MTA1: variants seen among roughly 807,000 people sequenced by gnomAD.
MTA1 encodes the protein metastasis associated 1.
In MTA1, 15 loss-of-function variants were observed where a neutral mutation model predicts 97.0. The ratio of observed to expected loss-of-function variants is 0.15; its 90% CI spans 0.10 to 0.24. MTA1 has a LOEUF of 0.24. Among genes scored for constraint, MTA1 ranks in the 10% least tolerant of loss-of-function variants. The pLI, the probability that MTA1 is intolerant of heterozygous loss-of-function variation, is 1.00. For missense variants in MTA1, 709 were observed against 1,015.1 expected, an observed-to-expected ratio of 0.70 and a Z score of 4.10; for synonymous variants, 435 against 417.5, an observed-to-expected ratio of 1.04 and a Z score of -0.51.
chr14:105,440,402 C>T lies in MTA1; in HGVS notation c.96+1663C>T, dbSNP rs373703067. On this transcript the variant is annotated intron_variant, in intron 2 of 20. Transcript: ENST00000331320. ...GGCAGATGGCACTGCTGGCCCCACA[C>T]AGCCAGCTGGCAGGCAACCCGGGGC... is the stretch of plus-strand genomic sequence containing the variant. Among the ~76,000 whole-genome samples the T allele has an allele frequency of 2.6e-5, 4 of 152,380 alleles. No individual in the cohort carries two copies. The South Asian group carries it at 8.3e-4, about 32-fold the overall frequency.
chr14:105,419,959 T>G lies in MTA1; in HGVS notation c.-77T>G. On this transcript the variant is annotated 5_prime_UTR_variant, in exon 1 of 21. Coordinates refer to ENST00000331320, the MANE Select transcript of MTA1 (RefSeq NM_004689.4). ...CCTGCGGCGCCCCCCGCCCCCGCCATCGCGCCTCCATTTTCCCGGCCGCCC... is the reference window on the plus strand; with the variant it reads ...CCTGCGGCGCCCCCCGCCCCCGCCAGCGCGCCTCCATTTTCCCGGCCGCCC... The G allele has an allele frequency of 3.8e-6, 2 of 529,100 alleles. No individual in the cohort carries two copies. The highest frequency in any genetic ancestry group is 4.7e-6 in the Non-Finnish European group (2 of 424,166). 32.8% of individuals were successfully genotyped at this position (529,100 alleles called of 1,614,324 possible).
At chr14:105,442,334 C>T (rs587722018) in intron 2 of MTA1, among the ~76,000 whole-genome samples, 12 of 152,316 alleles carry the variant, frequency 7.9e-5, no homozygotes, top group East Asian at 3.9e-4. Flanking sequence ...CACTCCTCCG[C>T]GCCTTTCCAA....
intron 18 of MTA1, chr14:105,469,074 C>G: frequency 2.2e-6 from 1 of 452,866 alleles, no homozygotes; most frequent in Non-Finnish European, 4.4e-6. Flanking sequence ...GGGGCAGTGC[C>G]GGCCACAGCG....
chr14:105,445,542 T>A, intron 3 of MTA1, 31 bp downstream of exon 3: 1 of 1,610,862 alleles, frequency 6.2e-7, no homozygotes, highest in Non-Finnish European at 8.5e-7. Context: ...GGTGCCCGCC[T>A]GGCGGGAGGG....
intron 6 of MTA1, among the ~76,000 whole-genome samples, 193 bp from the exon 7 acceptor site, chr14:105,454,000 C>G (rs2083045927): frequency 6.6e-6 from 1 of 152,168 alleles, no homozygotes; most frequent in South Asian, 2.1e-4. Context: ...CCTCGAGGCC[C>G]CGCTGTAGGC....
chr14:105,434,048 G>A (rs1263554389), intron 1 of MTA1, among the ~76,000 whole-genome samples: 4 of 152,110 alleles, frequency 2.6e-5, no homozygotes, highest in East Asian at 1.9e-4. Flanking sequence ...GGATGGTCTC[G>A]ATCTCCTGAA....
rs1277194573 is a variant in MTA1, at chr14:105,420,327, G to A, written c.28+264G>A. ...CTGTTGGGGCCGAGGGGGCGGCCGC[G>A]GGGGTGGCGGGGGGGCGCGGGGCCT... On this transcript the variant is annotated intron_variant, in intron 1 of 20. Transcript: ENST00000331320. The surrounding 1 kb of genome is among the most constrained non-coding windows in gnomAD (Gnocchi z 5.3). Among the ~76,000 whole-genome samples the A allele has an allele frequency of 1.3e-5, 2 of 150,946 alleles. No individual in the cohort carries two copies. The highest frequency in any genetic ancestry group is 3.0e-5 in the Non-Finnish European group (2 of 67,524).
At position 105,465,261 on chromosome 14, in the gene MTA1, C is replaced by G. The variant is rs370476729; in HGVS notation, c.1624+78C>G. 3.0e-4 allele frequency: 378 copies of G among 1,271,538 alleles called. 3 individuals carry two copies. The South Asian group carries it at 5.8e-3, about 19-fold the overall frequency. 78.8% of individuals were successfully genotyped at this position (1,271,538 alleles called of 1,614,324 possible). A position where few individuals can be genotyped will look rare whatever the true frequency, so the allele number is the denominator to read the frequency against. On this transcript the variant is annotated intron_variant, in intron 16 of 20. Coordinates refer to ENST00000331320, the MANE Select transcript of MTA1 (RefSeq NM_004689.4). ...TCACCCAAGCTCATGCACTGGTGCT[C>G]CCAGCCTTCTCTAGCTGGGAGCTCC... is the stretch of plus-strand genomic sequence containing the variant.
intron 3 of MTA1, among the ~76,000 whole-genome samples, chr14:105,448,226 G>A (rs1555427699): frequency 6.6e-6 from 1 of 152,088 alleles, no homozygotes; most frequent in African/African-American, 2.4e-5. Flanking sequence ...CAGGGTCTGA[G>A]GGAGGGTTCA....
At chr14:105,446,740 G>A (rs1390708958) in intron 3 of MTA1, among the ~76,000 whole-genome samples, 1 of 152,230 alleles carries the variant, frequency 6.6e-6, no homozygotes, top group African/African-American at 2.4e-5. Context: ...CAGTGGATGC[G>A]GACGTGAGCT....
In MTA1 at chr14:105,450,077, G is replaced by A. The variant is rs2082864764; in HGVS notation, c.261G>A (p.Met87Ile). 6.2e-7 allele frequency: 1 copy of A among 1,613,578 alleles called. No individual in the cohort carries two copies. Among genetic ancestry groups the A allele is most frequent in the Non-Finnish European group, 8.5e-7 (1 of 1,179,884 alleles). Residue 87 changes from methionine (M) to isoleucine (I), a missense_variant, in exon 5 of 21, where the codon ATG (methionine) becomes ATA (isoleucine). Met to Ile is a conservative substitution (Grantham distance 10). Transcript: ENST00000331320. ...NGEEGEIEEE[M>I]ENPEMVDLPE... ...CTTCAGGGGAAATAGAAGAGGAAAT[G>A]GAGAACCCGGAAATGGTGGACCTGC...
rs587725067 is a variant in MTA1, at chr14:105,452,750, C to T, written c.433-1443C>T. On this transcript the variant is annotated intron_variant, in intron 6 of 20. Coordinates refer to ENST00000331320, the MANE Select transcript of MTA1 (RefSeq NM_004689.4). ...GGCTGGCAGCTGGCCTCTGGATAGTCGTGTCAGTTCAAGAGGACGAAGGCC... is the reference window on the plus strand; with the variant it reads ...GGCTGGCAGCTGGCCTCTGGATAGTTGTGTCAGTTCAAGAGGACGAAGGCC... Among the ~76,000 whole-genome samples the T allele has an allele frequency of 6.6e-5, 10 of 152,318 alleles. No homozygotes were observed. In the South Asian group the frequency reaches 1.2e-3, roughly 19 times the overall value.
intron 1 of MTA1, among the ~76,000 whole-genome samples, chr14:105,433,205 C>T (rs1051547286): frequency 4.6e-5 from 7 of 152,122 alleles, no homozygotes; most frequent in African/African-American, 9.7e-5. Flanking sequence ...GAGACGTGGG[C>T]GGTGTGTAGG....
chr14:105,468,619 T>C (rs1555433491), intron 18 of MTA1, among the ~76,000 whole-genome samples: 1 of 152,162 alleles, frequency 6.6e-6, no homozygotes, highest in Non-Finnish European at 1.5e-5. Flanking sequence ...CCTTAAGGGA[T>C]GGGCCTCAGC....
At position 105,463,679 on chromosome 14, in the gene MTA1, C is replaced by T. The variant is rs587726328; in HGVS notation, c.1076+128C>T. 38 of 924,264 alleles carry T rather than the reference C, an allele frequency of 4.1e-5. No individual in the cohort carries two copies. The highest frequency in any genetic ancestry group is 1.2e-4 in the South Asian group (8 of 66,454). 57.3% of individuals were successfully genotyped at this position (924,264 alleles called of 1,614,324 possible). A position where few individuals can be genotyped will look rare whatever the true frequency, so the allele number is the denominator to read the frequency against. On this transcript the variant is annotated intron_variant, in intron 12 of 20. Transcript: ENST00000331320. This position sits in a 1 kb window ranked among gnomAD's most constrained non-coding sequence, Gnocchi z 5.9. Reference sequence around the variant, plus strand: ...AGGCTGGGAAAGTTGGGGCAGCCCCCGGGAGGGCGGCCCAGGGCTGGGGGG... The same window carrying T: ...AGGCTGGGAAAGTTGGGGCAGCCCCTGGGAGGGCGGCCCAGGGCTGGGGGG...
At chr14:105,449,064 G>A in intron 3 of MTA1, 1 of 403,244 alleles carries the variant, frequency 2.5e-6, no homozygotes, top group Non-Finnish European at 4.4e-6. Context: ...CCTGTTCTGG[G>A]AAGCCCCAGT....
intron 7 of MTA1, among the ~76,000 whole-genome samples, chr14:105,457,472 G>A (rs1258631477): frequency 1.3e-5 from 2 of 152,230 alleles, no homozygotes; most frequent in African/African-American, 4.8e-5. Flanking sequence ...CCCCGGCTCT[G>A]GCTGTGCCAG....
intron 7 of MTA1, among the ~76,000 whole-genome samples, chr14:105,455,511 C>T (rs782210225): frequency 1.6e-4 from 24 of 152,214 alleles, no homozygotes; most frequent in Non-Finnish European, 2.6e-4. Context: ...ACTCGCCTCC[C>T]TGCTTGCAGT....
chr14:105,469,155 C>A lies in MTA1; in HGVS notation c.1814-312C>A, dbSNP rs782442000. On this transcript the variant is annotated intron_variant, in intron 18 of 20. Transcript: ENST00000331320. ...TTGCGAGGCTTTGCTTGTCTCGGCA[C>A]GGCAGGCAAGTGGGTGGACAGCCCC... is the stretch of plus-strand genomic sequence containing the variant. 5 of 595,076 alleles carry A rather than the reference C, an allele frequency of 8.4e-6. No homozygotes were observed. The African/African-American group carries it at 9.1e-5, about 11-fold the overall frequency. The allele number at this position is 595,076 out of a possible 1,614,324, so 36.9% of individuals were successfully genotyped here.
Sources: gnomAD v4.1 joint callset for allele counts (sites outside exome capture counted in the v4.1 genomes callset) on GRCh38, gnomAD v4.1.1 for gene constraint, Gnocchi (gnomAD v3.1) non-coding constraint, MANE v1.5 for transcripts, NCBI Gene and HGNC (gene_info 2026-07-23, HGNC 2026-07-21) for gene names.